Variants in HS6ST3 observed in about 807,000 individuals in gnomAD.
The protein encoded by HS6ST3 is heparan sulfate 6-O-sulfotransferase 3.
In HS6ST3, 12 loss-of-function variants were observed where a neutral mutation model predicts 36.7. That is an observed-to-expected ratio of 0.33 (90% CI 0.21 to 0.53). The LOEUF is 0.53. Among genes scored for constraint, HS6ST3 ranks in the 20% least tolerant of loss-of-function variants. The pLI, the probability that HS6ST3 is intolerant of heterozygous loss-of-function variation, is 0.95. For missense variants in HS6ST3, 584 were observed against 640.9 expected (o/e 0.91, Z 0.96); for synonymous variants, 240 against 257.5 (o/e 0.93, Z 0.65).
intron 1 of HS6ST3, among the ~76,000 whole-genome samples, chr13:96,573,021 A>G (rs2056306632): frequency 6.6e-6 from 1 of 152,206 alleles, no homozygotes; most frequent in Admixed American, 6.5e-5. Context: ...TCAGTGTTAT[A>G]ATGAATCCTC....
chr13:96,405,431 C>A (rs2055472718), intron 1 of HS6ST3, among the ~76,000 whole-genome samples: 1 of 151,988 alleles, frequency 6.6e-6, no homozygotes, highest in South Asian at 2.1e-4. Context: ...GATGGGAAGG[C>A]CTGGAAGGAA....
intron 1 of HS6ST3, among the ~76,000 whole-genome samples, chr13:96,353,044 TTC>T (rs1213793282): frequency 3.4e-5 from 5 of 147,290 alleles, no homozygotes; most frequent in Non-Finnish European, 7.5e-5. Flanking sequence ...AGCTAGCGTA[TTC>T]TTTTTTTTTT....
At chr13:96,401,733 C>T (rs763658468) in intron 1 of HS6ST3, among the ~76,000 whole-genome samples, 2 of 151,988 alleles carry the variant, frequency 1.3e-5, no homozygotes, top group African/African-American at 2.4e-5. Flanking sequence ...CCCCACCAAA[C>T]CCAGCTAATT....
At chr13:96,624,412 G>T (rs2056505334) in intron 1 of HS6ST3, among the ~76,000 whole-genome samples, 1 of 151,998 alleles carries the variant, frequency 6.6e-6, no homozygotes, top group African/African-American at 2.4e-5. Flanking sequence ...TCATATAAAT[G>T]GAAGAATAGA....
intron 1 of HS6ST3, among the ~76,000 whole-genome samples, chr13:96,352,790 A>C (rs1255644316): frequency 6.6e-6 from 1 of 152,186 alleles, no homozygotes; most frequent in African/African-American, 2.4e-5. Context: ...TTTATTAAAC[A>C]CGTAGTCTTT....
intron 1 of HS6ST3, among the ~76,000 whole-genome samples, chr13:96,538,839 C>T (rs2056166432): frequency 6.6e-6 from 1 of 152,190 alleles, no homozygotes. Flanking sequence ...GCGCCTTTTG[C>T]TTTTTCAGTG....
intron 1 of HS6ST3, among the ~76,000 whole-genome samples, chr13:96,308,732 A>C (rs1288626712): frequency 6.6e-6 from 1 of 152,054 alleles, no homozygotes; most frequent in East Asian, 1.9e-4. Context: ...TGTTTGGTTA[A>C]GATTAGCTTG....
chr13:96,710,789 T>C (rs1476498557), intron 1 of HS6ST3, among the ~76,000 whole-genome samples: 1 of 152,224 alleles, frequency 6.6e-6, no homozygotes, highest in Non-Finnish European at 1.5e-5. Context: ...CTTGGCCTGG[T>C]GACCAGGAAG....
intron 1 of HS6ST3, among the ~76,000 whole-genome samples, chr13:96,769,560 A>G (rs896317569): frequency 6.6e-6 from 1 of 150,758 alleles, no homozygotes; most frequent in African/African-American, 2.4e-5. Context: ...ACATTGTTTT[A>G]GGACCATTTA....
chr13:96,617,895 A>G (rs1326788426), intron 1 of HS6ST3, among the ~76,000 whole-genome samples: 1 of 152,240 alleles, frequency 6.6e-6, no homozygotes, highest in Non-Finnish European at 1.5e-5. Context: ...TTCTCTTAAT[A>G]TGAAGTATTC....
At chr13:96,258,159 C>T (rs2054646570) in intron 1 of HS6ST3, among the ~76,000 whole-genome samples, 1 of 151,946 alleles carries the variant, frequency 6.6e-6, no homozygotes, top group African/African-American at 2.4e-5. Flanking sequence ...TGGATGAGAC[C>T]GAAGTGGATT....
In HS6ST3 at chr13:96,749,069, A is replaced by G. The variant is rs117598648; in HGVS notation, c.708-83421A>G. On this transcript the variant is annotated intron_variant, in intron 1 of 1. Transcript: ENST00000376705. Reference sequence around the variant, plus strand: ...CTCTGTTAATTTCTCACAAAACTAAAATTAACCGTTGATTCCACAGTTATT... The same window carrying G: ...CTCTGTTAATTTCTCACAAAACTAAGATTAACCGTTGATTCCACAGTTATT... Among the ~76,000 whole-genome samples, 9 of 152,232 alleles carry G rather than the reference A, an allele frequency of 5.9e-5. No individual in the cohort carries two copies. In the East Asian group the frequency reaches 1.7e-3, roughly 29 times the overall value.
At chr13:96,689,019 G>C (rs1874863422) in intron 1 of HS6ST3, among the ~76,000 whole-genome samples, 1 of 152,056 alleles carries the variant, frequency 6.6e-6, no homozygotes. Flanking sequence ...GCTTGCATTT[G>C]CCAGTGTAGT....
intron 1 of HS6ST3, among the ~76,000 whole-genome samples, chr13:96,187,653 T>C (rs1227731401): frequency 3.9e-5 from 6 of 152,144 alleles, no homozygotes; most frequent in African/African-American, 1.2e-4. Context: ...CTATGGCCAA[T>C]TTTCAAGACT....
chr13:96,099,088 C>T (rs1025070504), intron 1 of HS6ST3, among the ~76,000 whole-genome samples: 29 of 152,026 alleles, frequency 1.9e-4, no homozygotes, highest in African/African-American at 5.8e-4. Context: ...GGATTAAAGG[C>T]GCCCACCACC....
intron 1 of HS6ST3, among the ~76,000 whole-genome samples, chr13:96,234,093 C>T (rs1280355615): frequency 2.0e-5 from 3 of 148,188 alleles, no homozygotes; most frequent in African/African-American, 7.5e-5. Context: ...TTTGTTTTTT[C>T]ATCTGTTAAA....
intron 1 of HS6ST3, among the ~76,000 whole-genome samples, chr13:96,317,154 C>G (rs1306422213): frequency 6.6e-6 from 1 of 151,206 alleles, no homozygotes; most frequent in African/African-American, 2.4e-5. Context: ...GTCTATTATT[C>G]CTATGTTTAT....
intron 1 of HS6ST3, among the ~76,000 whole-genome samples, chr13:96,208,715 G>C (rs1366189007): frequency 6.6e-6 from 1 of 152,164 alleles, no homozygotes; most frequent in Non-Finnish European, 1.5e-5. Context: ...CACAATATTA[G>C]ACAGTGTTAA....
chr13:96,581,071 C>T (rs1323440737), intron 1 of HS6ST3, among the ~76,000 whole-genome samples: 3 of 152,226 alleles, frequency 2.0e-5, no homozygotes, highest in African/African-American at 7.2e-5. Context: ...ATTTCTATTT[C>T]ATACATGCTT....
Sources: gnomAD v4.1 joint callset for allele counts (sites outside exome capture counted in the v4.1 genomes callset) on GRCh38, gnomAD v4.1.1 for gene constraint, MANE v1.5 for transcripts, NCBI Gene and HGNC (gene_info 2026-07-23, HGNC 2026-07-21) for gene names.